The following FAM199X variants were observed in gnomAD, a reference collection of about 807,000 sequenced individuals.
The protein encoded by FAM199X is protein FAM199X.
A neutral mutation model predicts 22.9 loss-of-function variants in FAM199X; 4 were observed. The ratio of observed to expected loss-of-function variants is 0.17; its 90% CI spans 0.09 to 0.40. The LOEUF is 0.40. Ranked by LOEUF, FAM199X falls within the 10% of genes least tolerant of loss-of-function variation. FAM199X has a pLI of 1.00. For missense variants in FAM199X, 183 were observed against 306.8 expected, an observed-to-expected ratio of 0.60 and a Z score of 3.01; for synonymous variants, 101 against 112.3, an observed-to-expected ratio of 0.90 and a Z score of 0.64.
rs1357122220 is a variant in FAM199X at position 104,186,062 on chromosome X, A to C, written c.418-4A>C. The C allele has an allele frequency of 1.7e-6, 2 of 1,199,088 alleles. No homozygotes were observed. Among genetic ancestry groups the C allele is most frequent in the Non-Finnish European group, 1.1e-6 (1 of 891,664 alleles). ...TTCCCCACACCCTCCTTATTTTTAT[A>C]AAGTTACCAGGCAGTGACATTGCCA... is the stretch of plus-strand genomic sequence containing the variant. On this transcript the variant is annotated splice_region_variant and splice_polypyrimidine_tract_variant and intron_variant, in intron 2 of 5. Transcript: ENST00000493442.
At chrX:104,178,193 G>A (rs2076924410) in intron 2 of FAM199X, among the ~76,000 whole-genome samples, 1 of 108,975 alleles carries the variant, frequency 9.2e-6, no homozygotes, top group African/African-American at 3.4e-5. Context: ...ACAGAGTCCC[G>A]CTCAGCTCAG....
chrX:104,186,044 C>T (rs369257220), intron 2 of FAM199X, 22 bp from the exon 3 acceptor site: 32 of 1,193,331 alleles, frequency 2.7e-5, no homozygotes, highest in African/African-American at 1.8e-5. Context: ...TCCTTCCCCA[C>T]ACCCTCCTTA....
In FAM199X at chrX:104,189,935, T is replaced by G. The variant is rs1437785538; in HGVS notation, c.*157T>G. 2 of 488,579 alleles carry G rather than the reference T, an allele frequency of 4.1e-6. No individual in the cohort carries two copies. Among genetic ancestry groups the G allele is most frequent in the East Asian group, 3.8e-5 (1 of 26,422 alleles). 40.3% of individuals were successfully genotyped at this position (488,579 alleles called of 1,213,427 possible). A position where few individuals can be genotyped will look rare whatever the true frequency, so the allele number is the denominator to read the frequency against. Reference sequence around the variant, plus strand: ...GGCAGGTGATCCCAAGACCTGCAGCTTCAGCATCACTTGAGAAGTTGTTAG... The same window carrying G: ...GGCAGGTGATCCCAAGACCTGCAGCGTCAGCATCACTTGAGAAGTTGTTAG... On this transcript the variant is annotated 3_prime_UTR_variant, in exon 6 of 6. Coordinates refer to ENST00000493442, the MANE Select transcript of FAM199X (RefSeq NM_207318.4).
intron 4 of FAM199X, among the ~76,000 whole-genome samples, chrX:104,187,059 G>A (rs1921821224): frequency 9.1e-6 from 1 of 109,744 alleles, no homozygotes; most frequent in African/African-American, 3.3e-5. Context: ...TCCCTCTGCT[G>A]TTCTGAAATA....
intron 2 of FAM199X, among the ~76,000 whole-genome samples, chrX:104,179,911 A>T (rs1921601516): frequency 9.2e-6 from 1 of 108,348 alleles, no homozygotes; most frequent in Non-Finnish European, 1.9e-5. Context: ...TCTGGTTAAA[A>T]TTTTTTAATA....
At chrX:104,160,870 T>C in the FAM199X span, among the ~76,000 whole-genome samples, 1 of 111,539 alleles carries the variant, frequency 9.0e-6, no homozygotes, top group Non-Finnish European at 1.9e-5. Context: ...TATCCTATTA[T>C]TTACATAGTA....
intron 2 of FAM199X, 56 bp downstream of exon 2, chrX:104,175,898 T>A (rs1556376346): frequency 4.5e-6 from 4 of 880,470 alleles, no homozygotes; most frequent in Non-Finnish European, 1.6e-6. Context: ...AAGTATAAAC[T>A]TTTCTTTTGA....
rs1921922155 is a variant in FAM199X at position 104,190,947 on chromosome X, A to G, written c.*1169A>G. The stretch of plus-strand genomic sequence containing the variant: ...TTTTCCTAGAGTGTTTGTTATCATG[A>G]ACATTAGAAATAGCATTATTCCTTT... On this transcript the variant is annotated 3_prime_UTR_variant, in exon 6 of 6. Coordinates refer to ENST00000493442, the MANE Select transcript of FAM199X (RefSeq NM_207318.4). The G allele has an allele frequency of 8.9e-6, 1 of 112,026 alleles. No homozygotes were observed. Among genetic ancestry groups the G allele is most frequent in the African/African-American group, 3.2e-5 (1 of 30,868 alleles). The allele number at this position is 112,026 out of a possible 1,213,427, so 9.2% of individuals were successfully genotyped here.
At chrX:104,166,218 G>A (rs1556373769), upstream of FAM199X, among the ~76,000 whole-genome samples, 2 of 113,023 alleles carry the variant, frequency 1.8e-5, no homozygotes, top group South Asian at 7.1e-4. Context: ...CCTTTTCTGG[G>A]ACTGCGGTTC....
At chrX:104,179,545 T>G (rs1311043886) in intron 2 of FAM199X, among the ~76,000 whole-genome samples, 1 of 112,064 alleles carries the variant, frequency 8.9e-6, no homozygotes, top group Non-Finnish European at 1.9e-5. Context: ...TTTTCCCATG[T>G]GTGGATTATT....
intron 1 of FAM199X, among the ~76,000 whole-genome samples, chrX:104,167,504 AC>A (rs1331654845): frequency 1.9e-5 from 2 of 107,987 alleles, no homozygotes; most frequent in Non-Finnish European, 3.8e-5. Context: ...CGCCGCCACC[AC>A]CCCTACCCCA....
At chrX:104,186,016 T>G in intron 2 of FAM199X, 50 bp from the exon 3 acceptor site, 1 of 1,136,627 alleles carries the variant, frequency 8.8e-7, no homozygotes, top group Non-Finnish European at 1.2e-6. Flanking sequence ...TAAAATGTAG[T>G]CTGAACAAAT....
upstream of FAM199X, among the ~76,000 whole-genome samples, chrX:104,164,130 T>C (rs921955525): frequency 7.1e-5 from 8 of 112,735 alleles, no homozygotes; most frequent in Non-Finnish European, 1.1e-4. Context: ...TGCACAAACT[T>C]TTTTACAAAG....
upstream of FAM199X, among the ~76,000 whole-genome samples, chrX:104,163,708 C>G (rs1230791983): frequency 3.8e-5 from 2 of 52,552 alleles, no homozygotes; most frequent in African/African-American, 1.6e-4. Context: ...TTTTTTTTTT[C>G]CTGAGACGGA....
At chrX:104,167,112 G>A in intron 1 of FAM199X, 130 bp downstream of exon 1, 1 of 540,792 alleles carries the variant, frequency 1.8e-6, no homozygotes, top group Non-Finnish European at 2.7e-6. Flanking sequence ...CTCATTCCCG[G>A]CCTCCTTCCC....
chrX:104,187,098 C>CT (rs781858012), intron 4 of FAM199X, among the ~76,000 whole-genome samples: 1,415 of 98,790 alleles, frequency 0.014, 11 homozygotes, highest in African/African-American at 0.016. Flanking sequence ...GTATCATCTT[C>CT]TTTTTTTTTT....
the FAM199X span, among the ~76,000 whole-genome samples, chrX:104,160,533 A>G: frequency 8.9e-6 from 1 of 112,618 alleles, no homozygotes; most frequent in African/African-American, 3.2e-5. Flanking sequence ...GTCAAAGATG[A>G]TCAAAGAATG....
At position 104,166,770 on chromosome X, in the gene FAM199X, C is replaced by T; in HGVS notation, c.-16C>T. 1 of 1,195,047 alleles carries T rather than the reference C, an allele frequency of 8.4e-7. No homozygotes were observed. Among genetic ancestry groups the T allele is most frequent in the Non-Finnish European group, 1.1e-6 (1 of 887,330 alleles). ...CCAGGGCCAGAGAGGGAGCCCGAGCCAGGCCATCTCCAACCATGTCCGACG... is the reference window on the plus strand; with the variant it reads ...CCAGGGCCAGAGAGGGAGCCCGAGCTAGGCCATCTCCAACCATGTCCGACG... On this transcript the variant is annotated 5_prime_UTR_variant, in exon 1 of 6. Transcript: ENST00000493442.
At chrX:104,186,732 G>T in intron 4 of FAM199X, 111 bp downstream of exon 4, 1 of 670,784 alleles carries the variant, frequency 1.5e-6, no homozygotes, top group Admixed American at 4.0e-5. Context: ...CAAAATCACT[G>T]CTGCGAAAGG....
Sources: gnomAD v4.1 joint callset for allele counts (sites outside exome capture counted in the v4.1 genomes callset) on GRCh38, gnomAD v4.1.1 for gene constraint, MANE v1.5 for transcripts, NCBI Gene and HGNC (gene_info 2026-07-23, HGNC 2026-07-21) for gene names.